The following ACSL1 variants were observed in gnomAD, a reference collection of about 807,000 sequenced individuals.
The protein encoded by ACSL1 is long-chain-fatty-acid--CoA ligase 1.
ACSL1 carries 41 observed loss-of-function variants against 98.4 expected under a neutral mutation model. The ratio of observed to expected loss-of-function variants is 0.42; its 90% CI spans 0.32 to 0.54. The LOEUF (loss-of-function observed/expected upper bound fraction) is 0.54. Among genes scored for constraint, ACSL1 ranks in the 20% least tolerant of loss-of-function variants. The probability of loss-of-function intolerance (pLI) is 0.13; values close to 1 mark genes in which losing one functional copy is unlikely to be tolerated. For missense variants in ACSL1, 734 were observed against 883.1 expected, an observed-to-expected ratio of 0.83 and a Z score of 2.14; for synonymous variants, 316 against 322.7, an observed-to-expected ratio of 0.98 and a Z score of 0.22.
chr4:184,776,559 C>T lies in ACSL1; in HGVS notation c.681G>A (p.Met227Ile). 3.7e-6 allele frequency: 6 copies of T among 1,614,208 alleles called. No individual in the cohort carries two copies. Among genetic ancestry groups the T allele is most frequent in the Non-Finnish European group, 5.1e-6 (6 of 1,180,020 alleles). The change falls in exon 7 of 21, where the codon ATG becomes ATA. Residue 227 changes from methionine (M) to isoleucine (I), a missense_variant. By Grantham distance (10) the Met-to-Ile change is conservative (BLOSUM62 1). Coordinates refer to ENST00000281455, the MANE Select transcript of ACSL1 (RefSeq NM_001995.5). ...LIPGLKIIVV[M>I]DAYGSELVER... is the part of the protein sequence containing the mutation. Reference sequence around the variant, plus strand: ...CCACCAGTTCACTGCCGTAGGCATCCATGACAACTATGATTTTAAGGCCTG... The same window carrying T: ...CCACCAGTTCACTGCCGTAGGCATCTATGACAACTATGATTTTAAGGCCTG...
intron 15 of ACSL1, among the ~76,000 whole-genome samples, chr4:184,764,322 C>G (rs1474704551): frequency 6.6e-6 from 1 of 152,158 alleles, no homozygotes; most frequent in Non-Finnish European, 1.5e-5. Context: ...TAGGTACATC[C>G]TAAGCACCCA....
chr4:184,770,568 A>AG, intron 10 of ACSL1, 92 bp from the exon 11 acceptor site: 2 of 205,048 alleles, frequency 9.8e-6, no homozygotes, highest in Admixed American at 5.2e-5. Flanking sequence ...GGGTAGGGGG[A>AG]GGGGGGAGGG....
chr4:184,758,208 T>A, intron 18 of ACSL1: 2 of 327,480 alleles, frequency 6.1e-6, no homozygotes, highest in South Asian at 1.2e-4. Flanking sequence ...ATATACTTAT[T>A]TTTTTAAAAG....
chr4:184,822,986 T>C (rs1773186697), intron 1 of ACSL1, among the ~76,000 whole-genome samples: 1 of 152,224 alleles, frequency 6.6e-6, no homozygotes, highest in Admixed American at 6.5e-5. Flanking sequence ...CTTCAGGGCT[T>C]GTGCTCCTTT....
rs568785253 is a variant in ACSL1, at chr4:184,774,353, T to C, written c.757-478A>G. ...GCAATCTGGGAAGAAGAAAAATCAATCTCTGCTCGATTGAAATGCTAGGCA... is the reference window on the plus strand; with the variant it reads ...GCAATCTGGGAAGAAGAAAAATCAACCTCTGCTCGATTGAAATGCTAGGCA... On this transcript the variant is annotated intron_variant, in intron 7 of 20. Transcript: ENST00000281455. Among the ~76,000 whole-genome samples the C allele has an allele frequency of 4.6e-5, 7 of 152,238 alleles. No homozygotes were observed. In the East Asian group the frequency reaches 1.4e-3, roughly 29 times the overall value.
In ACSL1 at chr4:184,803,590, A is replaced by C. The variant is rs1393942560; in HGVS notation, c.-32-44T>G. The C allele has an allele frequency of 7.6e-7, 1 of 1,324,164 alleles. No homozygotes were observed. Among genetic ancestry groups the C allele is most frequent in the Non-Finnish European group, 9.8e-7 (1 of 1,019,270 alleles). The allele number at this position is 1,324,164 out of a possible 1,614,324, so 82.0% of individuals were successfully genotyped here. On this transcript the variant is annotated intron_variant, in intron 1 of 20. Transcript: ENST00000281455. The surrounding 1 kb of genome is among the most constrained non-coding windows in gnomAD (Gnocchi z 4.8). ...GTCACGTTCGTTCCAGGGAAGCAGGACCCCTCTCCAGAACTCCAAAATTCC... is the reference window on the plus strand; with the variant it reads ...GTCACGTTCGTTCCAGGGAAGCAGGCCCCCTCTCCAGAACTCCAAAATTCC...
rs200209968 is a variant in ACSL1, at chr4:184,762,474, G to T, written c.1571C>A (p.Ala524Glu). 7.2e-5 allele frequency: 117 copies of T among 1,614,160 alleles called. 2 individuals carry two copies. In the South Asian group the frequency reaches 1.2e-3, roughly 17 times the overall value. Reference protein sequence around the residue: ...NVFQGYLKDPAKTAEALDKDG... With the variant: ...NVFQGYLKDPEKTAEALDKDG... ...TTTGTCCAAAGCTTCTGCTGTTTTC[G>T]CTGGGTCCTTCAAGTAGCCCTGAAA... Residue 524 changes from alanine to glutamate, a missense_variant, in exon 17 of 21, where the codon GCG becomes GAG. Coordinates refer to ENST00000281455, the MANE Select transcript of ACSL1 (RefSeq NM_001995.5).
At chr4:184,815,320 G>C (rs1375169539) in intron 1 of ACSL1, among the ~76,000 whole-genome samples, 1 of 152,134 alleles carries the variant, frequency 6.6e-6, no homozygotes. Context: ...CTGGGGACTC[G>C]CAGCCGCATT....
chr4:184,763,118 G>A (rs772853841), intron 16 of ACSL1, 49 bp downstream of exon 16: 28 of 1,590,148 alleles, frequency 1.8e-5, no homozygotes, highest in African/African-American at 2.7e-5. Flanking sequence ...AAAGGCCAGC[G>A]ATCACAGGAA....
chr4:184,763,114 C>G, intron 16 of ACSL1, 53 bp downstream of exon 16: 2 of 1,583,880 alleles, frequency 1.3e-6, no homozygotes, highest in Non-Finnish European at 1.7e-6. Context: ...TCGCAAAGGC[C>G]AGCGATCACA....
intron 1 of ACSL1, among the ~76,000 whole-genome samples, chr4:184,812,739 C>G (rs548706404): frequency 6.6e-6 from 1 of 152,070 alleles, no homozygotes; most frequent in Non-Finnish European, 1.5e-5. Flanking sequence ...AAGGCTGCCC[C>G]GGGGGAAGGG....
chr4:184,785,560 C>G (rs1767069622), intron 3 of ACSL1, among the ~76,000 whole-genome samples: 1 of 127,952 alleles, frequency 7.8e-6, no homozygotes, highest in East Asian at 2.4e-4. Context: ...CTACAGTAGC[C>G]TAAGAAAATC....
At chr4:184,799,898 G>A (rs1204543037) in intron 2 of ACSL1, among the ~76,000 whole-genome samples, 1 of 152,088 alleles carries the variant, frequency 6.6e-6, no homozygotes, top group East Asian at 1.9e-4. Context: ...AGAGGCTCAA[G>A]CCACTGACTC....
chr4:184,812,027 C>T lies in ACSL1; in HGVS notation c.-32-8481G>A, dbSNP rs1221817259. ...GGGCCCTCCTTCATGTGGGAGGAGGCGGCGGTTCCACAACTACCCAGAAAT... is the reference window on the plus strand; with the variant it reads ...GGGCCCTCCTTCATGTGGGAGGAGGTGGCGGTTCCACAACTACCCAGAAAT... On this transcript the variant is annotated intron_variant, in intron 1 of 20. Transcript: ENST00000281455. 3.0e-5 allele frequency: 9 copies of T among 304,694 alleles called. 1 individual carries two copies. Among genetic ancestry groups the T allele is most frequent in the African/African-American group, 6.8e-5 (3 of 44,134 alleles). 18.9% of individuals were successfully genotyped at this position (304,694 alleles called of 1,614,324 possible).
At chr4:184,790,952 G>A (rs1156769866) in intron 2 of ACSL1, among the ~76,000 whole-genome samples, 1 of 152,192 alleles carries the variant, frequency 6.6e-6, no homozygotes, top group African/African-American at 2.4e-5. Context: ...GCTAAGGTAG[G>A]AAGAGAAAGG....
chr4:184,814,048 A>G (rs1328002109), intron 1 of ACSL1: 1 of 359,650 alleles, frequency 2.8e-6, no homozygotes, highest in East Asian at 7.5e-5. Context: ...CCCAGCACTT[A>G]GAGAGGCCGA....
At position 184,757,612 on chromosome 4, in the gene ACSL1, A is replaced by G. The variant is rs1172262108; in HGVS notation, c.1956+23T>C. Reference sequence around the variant, plus strand: ...TGGAAAATTTGTTTTACAGGAATTCACCCACTCAGATGAAGGTCATACCTG... The same window carrying G: ...TGGAAAATTTGTTTTACAGGAATTCGCCCACTCAGATGAAGGTCATACCTG... On this transcript the variant is annotated intron_variant, in intron 20 of 20. Transcript: ENST00000281455. The surrounding 1 kb of genome is among the most constrained non-coding windows in gnomAD (Gnocchi z 4.5). The G allele has an allele frequency of 6.3e-7, 1 of 1,593,984 alleles. No individual in the cohort carries two copies. Among genetic ancestry groups the G allele is most frequent in the Non-Finnish European group, 8.5e-7 (1 of 1,173,158 alleles).
At position 184,779,291 on chromosome 4, in the gene ACSL1, G is replaced by T. The variant is rs532546293; in HGVS notation, c.477+1041C>A. Among the ~76,000 whole-genome samples the T allele has an allele frequency of 7.9e-5, 12 of 152,192 alleles. No individual in the cohort carries two copies. The South Asian group carries it at 1.9e-3, about 24-fold the overall frequency. On this transcript the variant is annotated intron_variant, in intron 5 of 20. Coordinates refer to ENST00000281455, the MANE Select transcript of ACSL1 (RefSeq NM_001995.5). Reference sequence around the variant, plus strand: ...TAGTAAGTTTCATGAGATCTGATGGGTTTATCAGGGGTTTCTGCTTTTGCT... The same window carrying T: ...TAGTAAGTTTCATGAGATCTGATGGTTTTATCAGGGGTTTCTGCTTTTGCT...
chr4:184,771,172 C>T (rs1312431136), intron 10 of ACSL1, among the ~76,000 whole-genome samples: 1 of 152,006 alleles, frequency 6.6e-6, no homozygotes, highest in African/African-American at 2.4e-5. Context: ...GAAGTCACTC[C>T]CCATGACAAA....
Sources: allele counts gnomAD v4.1 joint callset (sites outside exome capture counted in the v4.1 genomes callset), GRCh38; gene constraint gnomAD v4.1.1; non-coding constraint Gnocchi (gnomAD v3.1); transcripts MANE v1.5; gene names NCBI Gene and HGNC (gene_info 2026-07-23, HGNC 2026-07-21).